Variants in CERK observed in about 807,000 individuals in gnomAD.
CERK encodes acylsphingosine kinase.
In CERK, 39 loss-of-function variants were observed where a neutral mutation model predicts 63.4. That is an observed-to-expected ratio of 0.61 (90% CI 0.48 to 0.80). The LOEUF (loss-of-function observed/expected upper bound fraction) is 0.80, where lower values mean the gene tolerates loss of function less well. Ranked by LOEUF, CERK falls within the 30% of genes least tolerant of loss-of-function variation. The pLI is 0.00. For missense variants in CERK, 670 were observed against 714.1 expected (o/e 0.94, Z 0.70); for synonymous variants, 302 against 280.0 (o/e 1.08, Z -0.78).
chr22:46,732,144 G>C (rs535857301), intron 1 of CERK, among the ~76,000 whole-genome samples: 1 of 152,288 alleles, frequency 6.6e-6, no homozygotes, highest in East Asian at 1.9e-4. Context: ...TGTGGGATCC[G>C]GACAGCCGAA....
intron 8 of CERK, among the ~76,000 whole-genome samples, chr22:46,695,665 G>A (rs946799137): frequency 1.3e-5 from 2 of 152,208 alleles, no homozygotes; most frequent in Non-Finnish European, 2.9e-5. Context: ...AGTGGCTCAG[G>A]GTCATCCCCT....
chr22:46,727,685 AC>A (rs934477677), intron 1 of CERK, among the ~76,000 whole-genome samples: 1 of 152,034 alleles, frequency 6.6e-6, no homozygotes, highest in Non-Finnish European at 1.5e-5. Flanking sequence ...ACGTCCCGAT[AC>A]CAGCCTAAGG....
At chr22:46,721,742 C>T (rs529385566) in intron 1 of CERK, among the ~76,000 whole-genome samples, 1 of 152,268 alleles carries the variant, frequency 6.6e-6, no homozygotes, top group South Asian at 2.1e-4. Context: ...AACCACGGAG[C>T]TTGCAAGTGA....
At chr22:46,737,485 A>T (rs2082980625) in intron 1 of CERK, among the ~76,000 whole-genome samples, 1 of 152,158 alleles carries the variant, frequency 6.6e-6, no homozygotes, top group Admixed American at 6.5e-5. Flanking sequence ...CCCCATCCCG[A>T]GCAGGGAGCA....
At chr22:46,687,327 G>A (rs1416676673) in intron 12 of CERK, 121 bp from the exon 13 acceptor site, 2 of 392,242 alleles carry the variant, frequency 5.1e-6, no homozygotes, top group South Asian at 2.8e-5. Context: ...AGCTGGCCCT[G>A]AGCACCGCTC....
chr22:46,720,336 T>A, intron 2 of CERK, 128 bp from the exon 3 acceptor site: 1 of 1,014,560 alleles, frequency 9.9e-7, no homozygotes. Context: ...TTCTCCTCCC[T>A]TCTAATTAGT....
At chr22:46,689,948 G>T in intron 12 of CERK, 44 bp downstream of exon 12, 1 of 1,494,430 alleles carries the variant, frequency 6.7e-7, no homozygotes, top group East Asian at 2.4e-5. Flanking sequence ...ACACCTCAGG[G>T]CTCAAGGGGA....
intron 6 of CERK, among the ~76,000 whole-genome samples, chr22:46,704,688 G>A (rs1208620464): frequency 3.3e-5 from 5 of 151,990 alleles, no homozygotes; most frequent in East Asian, 1.9e-4. Flanking sequence ...AGCCGGGCAC[G>A]GTGGTGGGTG....
At chr22:46,729,228 G>A (rs1325732772) in intron 1 of CERK, among the ~76,000 whole-genome samples, 1 of 152,174 alleles carries the variant, frequency 6.6e-6, no homozygotes, top group Non-Finnish European at 1.5e-5. Flanking sequence ...TAGGGAGAAT[G>A]ATGGTACATG....
intron 1 of CERK, among the ~76,000 whole-genome samples, chr22:46,737,264 C>T (rs896694389): frequency 6.7e-6 from 1 of 150,346 alleles, no homozygotes; most frequent in African/African-American, 2.5e-5. Flanking sequence ...TGAACTCCAG[C>T]CTGGGCAACA....
chr22:46,697,287 A>G (rs1601711702), intron 8 of CERK, among the ~76,000 whole-genome samples: 2 of 151,866 alleles, frequency 1.3e-5, no homozygotes, highest in East Asian at 1.9e-4. Context: ...CATGGTCTAC[A>G]TATTTTCTTC....
At chr22:46,721,191 T>G (rs188285576) in intron 1 of CERK, among the ~76,000 whole-genome samples, 176 bp from the exon 2 acceptor site, 254 of 152,060 alleles carry the variant, frequency 1.7e-3, no homozygotes, top group African/African-American at 5.8e-3. Context: ...GGAGGGAGGA[T>G]CGCTTGAGCT....
intron 3 of CERK, among the ~76,000 whole-genome samples, chr22:46,717,749 C>T (rs540064432): frequency 1.2e-4 from 19 of 152,276 alleles, no homozygotes; most frequent in African/African-American, 3.1e-4. Flanking sequence ...GTGTGCTCAG[C>T]GTGAAAATTC....
intron 4 of CERK, 87 bp downstream of exon 4, chr22:46,712,081 C>A: frequency 6.8e-7 from 1 of 1,470,826 alleles, no homozygotes; most frequent in South Asian, 1.2e-5. Flanking sequence ...AGTGAGACAC[C>A]GTCTAGAAAA....
intron 1 of CERK, among the ~76,000 whole-genome samples, chr22:46,733,130 C>A (rs372618568): frequency 1.2e-3 from 170 of 147,530 alleles, no homozygotes; most frequent in African/African-American, 4.0e-3. Flanking sequence ...ATGGTGTGAA[C>A]CCGGGAGGCG....
intron 1 of CERK, among the ~76,000 whole-genome samples, chr22:46,725,620 CAGAGAT>C (rs900417514): frequency 4.3e-4 from 66 of 152,238 alleles, no homozygotes; most frequent in African/African-American, 1.5e-3. Context: ...CTTTTGCTGA[CAGAGAT>C]AAATTCTCGT....
intron 8 of CERK, among the ~76,000 whole-genome samples, chr22:46,698,991 C>T (rs2082769840): frequency 2.0e-5 from 3 of 152,190 alleles, no homozygotes; most frequent in Admixed American, 2.0e-4. Context: ...CTGTCACCTG[C>T]CTACCAGATG....
In CERK at chr22:46,695,131, ACTT is replaced by A. The variant is rs371754426; in HGVS notation, c.1049+76_1049+78del. On this transcript the variant is annotated intron_variant, in intron 9 of 12. Coordinates refer to ENST00000216264, the MANE Select transcript of CERK (RefSeq NM_022766.6). ...GCACCTTCCACCACATTTGGAAAAT[ACTT>A]CTGCATTCACCTTCCTAACCGTCCT... The A allele has an allele frequency of 2.2e-5, 17 of 777,562 alleles. No individual in the cohort carries two copies. In the African/African-American group the frequency reaches 2.4e-4, roughly 11 times the overall value. The allele number at this position is 777,562 out of a possible 1,614,324, so 48.2% of individuals were successfully genotyped here.
intron 7 of CERK, 38 bp downstream of exon 7, chr22:46,701,598 C>G (rs764642143): frequency 6.5e-7 from 1 of 1,531,744 alleles, no homozygotes; most frequent in Non-Finnish European, 8.8e-7. Flanking sequence ...GCAGGAGGCC[C>G]GGCTGCCACC....
Sources: allele counts gnomAD v4.1 joint callset (sites outside exome capture counted in the v4.1 genomes callset), GRCh38; gene constraint gnomAD v4.1.1; transcripts MANE v1.5; gene names NCBI Gene and HGNC (gene_info 2026-07-23, HGNC 2026-07-21).